The following NDUFAF3 variants were observed in gnomAD, a reference collection of about 807,000 sequenced individuals.
The protein encoded by NDUFAF3 is NADH:ubiquinone oxidoreductase complex assembly factor 3.
Under a neutral mutation model 22.6 loss-of-function variants are expected in NDUFAF3, and 21 were observed. The observed-to-expected ratio is 0.93, with a 90% CI of 0.66 to 1.34. The LOEUF (loss-of-function observed/expected upper bound fraction) is 1.34. Ranked by LOEUF, NDUFAF3 falls within the 40% of genes most tolerant of loss-of-function variation. The pLI is 0.00. For missense variants in NDUFAF3, 251 were observed against 248.4 expected, an observed-to-expected ratio of 1.01 and a Z score of -0.07; for synonymous variants, 113 against 104.9, an observed-to-expected ratio of 1.08 and a Z score of -0.47.
In NDUFAF3 at chr3:49,022,493, G is replaced by T; in HGVS notation, c.225G>T (p.Val75=). ...SRGFMINGNR[V]LGPCALLPHS... is the part of the protein sequence containing the mutation. ...GCTTCATGATAAACGGAAACCGCGT[G>T]CTCGGCCCCTGCGCTCTGCTCCCGC... Residue 75 remains valine, a synonymous_variant, in exon 2 of 5, where the codon GTG becomes GTT. Transcript: ENST00000326925. This position sits in a 1 kb window ranked among gnomAD's most constrained non-coding sequence, Gnocchi z 6.6. 1 of 1,613,166 alleles carries T rather than the reference G, an allele frequency of 6.2e-7. No individual in the cohort carries two copies. The highest frequency in any genetic ancestry group is 1.1e-5 in the South Asian group (1 of 91,072).
intron 4 of NDUFAF3, 40 bp downstream of exon 4, chr3:49,023,016 C>T (rs765141480): frequency 1.9e-5 from 31 of 1,613,690 alleles, no homozygotes; most frequent in African/African-American, 1.7e-4. Flanking sequence ...GGAGCACAGG[C>T]CTGGCGCTAG....
At position 49,023,314 on chromosome 3, in the gene NDUFAF3, A is replaced by T; in HGVS notation, c.*142A>T. 1.3e-6 allele frequency: 1 copy of T among 770,386 alleles called. No homozygotes were observed. The highest frequency in any genetic ancestry group is 1.4e-5 in the South Asian group (1 of 70,526). The allele number at this position is 770,386 out of a possible 1,614,324, so 47.7% of individuals were successfully genotyped here. A position where few individuals can be genotyped will look rare whatever the true frequency, so the allele number is the denominator to read the frequency against. The stretch of plus-strand genomic sequence containing the variant: ...TTTTGTATCAGGTGTGTTGCTGGCC[A>T]GGAGCTGATGGCTCACTGGGCTCTT... On this transcript the variant is annotated 3_prime_UTR_variant, in exon 5 of 5. Transcript: ENST00000326925.
At position 49,022,673 on chromosome 3, in the gene NDUFAF3, C is replaced by T. The variant is rs767160391; in HGVS notation, c.271-29C>T. ...ATGGGGAGAGGCTGCGTGGATTTGT[C>T]GTATTAAATGTGCCTCCTCCCTGCA... On this transcript the variant is annotated intron_variant, in intron 2 of 4. Transcript: ENST00000326925. This position sits in a 1 kb window ranked among gnomAD's most constrained non-coding sequence, Gnocchi z 6.6. 3 of 1,613,798 alleles carry T rather than the reference C, an allele frequency of 1.9e-6. No homozygotes were observed. Among genetic ancestry groups the T allele is most frequent in the East Asian group, 2.2e-5 (1 of 44,872 alleles).
In NDUFAF3 at chr3:49,022,476, A is replaced by G. The variant is rs2093169728; in HGVS notation, c.208A>G (p.Ile70Val). ...IDSYNSRGFM[I>V]NGNRVLGPCA... ...CAGCTACAACAGCCGCGGCTTCATG[A>G]TAAACGGAAACCGCGTGCTCGGCCC... is the stretch of plus-strand genomic sequence containing the variant. Residue 70 changes from isoleucine to valine, a missense_variant, in exon 2 of 5, where the codon ATA becomes GTA. Coordinates refer to ENST00000326925, the MANE Select transcript of NDUFAF3 (RefSeq NM_199069.2). This position sits in a 1 kb window ranked among gnomAD's most constrained non-coding sequence, Gnocchi z 6.6. 1 of 1,613,068 alleles carries G rather than the reference A, an allele frequency of 6.2e-7. No homozygotes were observed. The highest frequency in any genetic ancestry group is 8.5e-7 in the Non-Finnish European group (1 of 1,179,980).
chr3:49,023,379 C>A lies in NDUFAF3; in HGVS notation c.*207C>A. On this transcript the variant is annotated 3_prime_UTR_variant, in exon 5 of 5. Coordinates refer to ENST00000326925, the MANE Select transcript of NDUFAF3 (RefSeq NM_199069.2). The stretch of plus-strand genomic sequence containing the variant: ...AGAAACCAAGGAGTCACTTTTTCAT[C>A]TAGATTACTTAGGATTCCTTGACTT... 1.6e-6 allele frequency: 1 copy of A among 624,558 alleles called. No individual in the cohort carries two copies. The highest frequency in any genetic ancestry group is 1.8e-5 in the South Asian group (1 of 55,532). 38.7% of individuals were successfully genotyped at this position (624,558 alleles called of 1,614,324 possible).
Position 49,022,373 on chromosome 3 carries a change from G to A in NDUFAF3, c.105G>A (p.Ser35=), listed in dbSNP as rs770979651. ...CCCCGCGGCGAGGGCATCGGCTCTC[G>A]CCGGCGGATGACGAGCTGTATCAGC... The part of the protein sequence containing the change: ...PWAPRRGHRL[S]PADDELYQRT... Residue 35 remains serine (S), a synonymous_variant, in exon 2 of 5, where the codon TCG becomes TCA. Transcript: ENST00000326925. This position sits in a 1 kb window ranked among gnomAD's most constrained non-coding sequence, Gnocchi z 6.6. 9.3e-6 allele frequency: 15 copies of A among 1,612,476 alleles called. No individual in the cohort carries two copies. In the Admixed American group the frequency reaches 2.2e-4, roughly 23 times the overall value.
upstream of NDUFAF3, chr3:49,020,574 T>C (rs1451385720): frequency 1.1e-5 from 5 of 470,404 alleles, no homozygotes; most frequent in Non-Finnish European, 2.2e-5. Context: ...CAGTAAAGTA[T>C]GTCTGGGGGT....
Position 49,022,460 on chromosome 3 carries a change from C to A in NDUFAF3, c.192C>A (p.Asn64Lys), listed in dbSNP as rs1322582013. 2.5e-6 allele frequency: 4 copies of A among 1,613,030 alleles called. No homozygotes were observed. In the African/African-American group the frequency reaches 5.3e-5, roughly 22 times the overall value. ...AAQAMYIDSY[N>K]SRGFMINGNR... ...AGGCAATGTACATCGACAGCTACAA[C>A]AGCCGCGGCTTCATGATAAACGGAA... Residue 64 changes from asparagine to lysine, a missense_variant, in exon 2 of 5, where the codon AAC becomes AAA. By Grantham distance (94) the Asn-to-Lys change is moderately conservative. Coordinates refer to ENST00000326925, the MANE Select transcript of NDUFAF3 (RefSeq NM_199069.2). The surrounding 1 kb of genome is among the most constrained non-coding windows in gnomAD (Gnocchi z 6.6).
At position 49,022,847 on chromosome 3, in the gene NDUFAF3, G is replaced by C. The variant is rs774799785; in HGVS notation, c.338-29G>C. 1 of 1,613,570 alleles carries C rather than the reference G, an allele frequency of 6.2e-7. No individual in the cohort carries two copies. The highest frequency in any genetic ancestry group is 8.5e-7 in the Non-Finnish European group (1 of 1,179,836). On this transcript the variant is annotated intron_variant, in intron 3 of 4. Transcript: ENST00000326925. This position sits in a 1 kb window ranked among gnomAD's most constrained non-coding sequence, Gnocchi z 6.6. Reference sequence around the variant, plus strand: ...CCCACTGCAGCCTCTCAACAGAACTGTAGACTAGCCACACCCACCCTTCCC... The same window carrying C: ...CCCACTGCAGCCTCTCAACAGAACTCTAGACTAGCCACACCCACCCTTCCC...
chr3:49,022,942 G>C lies in NDUFAF3; in HGVS notation c.404G>C (p.Arg135Thr). 1.2e-6 allele frequency: 2 copies of C among 1,614,136 alleles called. No homozygotes were observed. Among genetic ancestry groups the C allele is most frequent in the East Asian group, 2.2e-5 (1 of 44,880 alleles). ...CAGTCCCAGGTGCTTCAAGCCATGA[G>C]GCAGCGGGGCATTGCTGTGGAAGTG... ...RLQSQVLQAM[R>T]QRGIAVEVQD... Residue 135 changes from arginine (R) to threonine (T), a missense_variant, in exon 4 of 5, where the codon AGG (arginine) becomes ACG (threonine). Coordinates refer to ENST00000326925, the MANE Select transcript of NDUFAF3 (RefSeq NM_199069.2). This position sits in a 1 kb window ranked among gnomAD's most constrained non-coding sequence, Gnocchi z 6.6.
Position 49,023,476 on chromosome 3 carries a change from C to CAAA in NDUFAF3, c.*306_*307insAAA. Reference sequence around the variant, plus strand: ...CTCACATGCAGATTTGAGAGGACCTCAACGGCTTTTCTCACAAAATCGCTG... The same window carrying CAAA: ...CTCACATGCAGATTTGAGAGGACCTCAAAAACGGCTTTTCTCACAAAATCGCTG... On this transcript the variant is annotated 3_prime_UTR_variant, in exon 5 of 5. Transcript: ENST00000326925. 1 of 438,420 alleles carries CAAA rather than the reference C, an allele frequency of 2.3e-6. No individual in the cohort carries two copies. Among genetic ancestry groups the CAAA allele is most frequent in the Non-Finnish European group, 4.2e-6 (1 of 235,940 alleles). 27.2% of individuals were successfully genotyped at this position (438,420 alleles called of 1,614,324 possible). A position where few individuals can be genotyped will look rare whatever the true frequency, so the allele number is the denominator to read the frequency against.
rs771461861 is a variant in NDUFAF3, at chr3:49,022,762, C to G, written c.331C>G (p.Arg111Gly). 3.1e-6 allele frequency: 5 copies of G among 1,613,988 alleles called. No homozygotes were observed. The highest frequency in any genetic ancestry group is 1.1e-5 in the South Asian group (1 of 91,060). ...TTCCCTCTTCTGGTTGCTGGAGCCC[C>G]GGATAGGTACTGGGGAAGGGGAGGG... ...SFSLFWLLEP[R>G]IEIVVVGTGD... is the part of the protein sequence containing the mutation. The change falls in exon 3 of 5, where the codon CGG (arginine) becomes GGG (glycine). Residue 111 changes from arginine to glycine, a missense_variant. Arg to Gly is a moderately radical substitution (Grantham distance 125). Transcript: ENST00000326925. This position sits in a 1 kb window ranked among gnomAD's most constrained non-coding sequence, Gnocchi z 6.6.
chr3:49,020,737 C>T (rs942698826), upstream of NDUFAF3: 2 of 467,498 alleles, frequency 4.3e-6, no homozygotes, highest in Non-Finnish European at 8.9e-6. Flanking sequence ...AGCTCCTGCC[C>T]CCAGGTCACT....
At position 49,023,341 on chromosome 3, in the gene NDUFAF3, G is replaced by A; in HGVS notation, c.*169G>A. 1.4e-6 allele frequency: 1 copy of A among 697,502 alleles called. No individual in the cohort carries two copies. The highest frequency in any genetic ancestry group is 2.1e-5 in the Admixed American group (1 of 48,268). 43.2% of individuals were successfully genotyped at this position (697,502 alleles called of 1,614,324 possible). On this transcript the variant is annotated 3_prime_UTR_variant, in exon 5 of 5. Coordinates refer to ENST00000326925, the MANE Select transcript of NDUFAF3 (RefSeq NM_199069.2). The stretch of plus-strand genomic sequence containing the variant: ...GAGCTGATGGCTCACTGGGCTCTTG[G>A]AGGGGAATGTGAAGAAACCAAGGAG...
In NDUFAF3 at chr3:49,023,446, A is replaced by G. The variant is rs1166072980; in HGVS notation, c.*274A>G. The G allele has an allele frequency of 4.1e-6, 2 of 493,754 alleles. No homozygotes were observed. The highest frequency in any genetic ancestry group is 3.3e-5 in the Admixed American group (1 of 30,758). 30.6% of individuals were successfully genotyped at this position (493,754 alleles called of 1,614,324 possible). ...CAGTATGTTTGCCTGTTGTAGACCT[A>G]CTTGCTCACATGCAGATTTGAGAGG... On this transcript the variant is annotated 3_prime_UTR_variant, in exon 5 of 5. Coordinates refer to ENST00000326925, the MANE Select transcript of NDUFAF3 (RefSeq NM_199069.2).
chr3:49,022,545 C>A lies in NDUFAF3; in HGVS notation c.270+7C>A, dbSNP rs1405113667. 7.4e-6 allele frequency: 12 copies of A among 1,613,304 alleles called. No homozygotes were observed. Among genetic ancestry groups the A allele is most frequent in the Middle Eastern group, 1.7e-4 (1 of 6,060 alleles). ...CTCGGTGGTGCAGTGGAACGTGAGT[C>A]CTGGCCCGCAGTGTGGAAACTGAGG... On this transcript the variant is annotated splice_region_variant and intron_variant, in intron 2 of 4. Transcript: ENST00000326925. This position sits in a 1 kb window ranked among gnomAD's most constrained non-coding sequence, Gnocchi z 6.6.
rs757738525 is a variant in NDUFAF3 at position 49,022,553 on chromosome 3, G to A, written c.270+15G>A. 3 of 1,613,338 alleles carry A rather than the reference G, an allele frequency of 1.9e-6. No homozygotes were observed. Among genetic ancestry groups the A allele is most frequent in the Non-Finnish European group, 2.5e-6 (3 of 1,179,926 alleles). ...TGCAGTGGAACGTGAGTCCTGGCCC[G>A]CAGTGTGGAAACTGAGGCCCAGAGT... On this transcript the variant is annotated intron_variant, in intron 2 of 4. Coordinates refer to ENST00000326925, the MANE Select transcript of NDUFAF3 (RefSeq NM_199069.2). The surrounding 1 kb of genome is among the most constrained non-coding windows in gnomAD (Gnocchi z 6.6).
rs1559912458 is a variant in NDUFAF3 at position 49,022,448 on chromosome 3, C to A, written c.180C>A (p.Ile60=). The change falls in exon 2 of 5, where the codon ATC becomes ATA. Residue 60 remains isoleucine (I), a synonymous_variant. Transcript: ENST00000326925. This position sits in a 1 kb window ranked among gnomAD's most constrained non-coding sequence, Gnocchi z 6.6. ...LQREAAQAMY[I]DSYNSRGFMI... The stretch of plus-strand genomic sequence containing the variant: ...GCGAGGCCGCTCAGGCAATGTACAT[C>A]GACAGCTACAACAGCCGCGGCTTCA... 2 of 1,613,054 alleles carry A rather than the reference C, an allele frequency of 1.2e-6. No individual in the cohort carries two copies. Among genetic ancestry groups the A allele is most frequent in the South Asian group, 1.1e-5 (1 of 91,086 alleles).
rs1038399887 is a variant in NDUFAF3 at position 49,023,070 on chromosome 3, C to T, written c.453C>T (p.Ala151=). The change falls in exon 5 of 5, where the codon GCC becomes GCT. Residue 151 remains alanine, a synonymous_variant. Transcript: ENST00000326925. ...VEVQDTPNAC[A]TFNFLCHEGR... ...TTTCTTTGCAGCCCAATGCCTGTGC[C>T]ACCTTCAACTTCCTGTGTCATGAAG... The T allele has an allele frequency of 1.4e-5, 23 of 1,614,086 alleles. No homozygotes were observed. Among genetic ancestry groups the T allele is most frequent in the Non-Finnish European group, 1.9e-5 (23 of 1,180,048 alleles).
Sources: allele counts gnomAD v4.1 joint callset, GRCh38; gene constraint gnomAD v4.1.1; non-coding constraint Gnocchi (gnomAD v3.1); transcripts MANE v1.5; gene names NCBI Gene and HGNC (gene_info 2026-07-23, HGNC 2026-07-21).